CASTOR2: variants seen among roughly 807,000 people sequenced by gnomAD.
CASTOR2 encodes GATS protein like 2.
A neutral mutation model predicts 31.2 loss-of-function variants in CASTOR2; 8 were observed. That is an observed-to-expected ratio of 0.26 (90% confidence interval 0.15 to 0.46). The LOEUF (loss-of-function observed/expected upper bound fraction) is 0.46, where lower values mean the gene tolerates loss of function less well. CASTOR2 is among the 20% of genes least tolerant of loss of function. The probability of loss-of-function intolerance (pLI) is 0.99; values close to 1 mark genes in which losing one functional copy is unlikely to be tolerated. For missense variants in CASTOR2, 216 were observed against 382.1 expected (o/e 0.57, Z 3.62); for synonymous variants, 162 against 158.7 (o/e 1.02, Z -0.16).
chr7:75,027,712 C>A lies in CASTOR2; in HGVS notation c.*3013C>A. ...CTCCGTGGGAGCTGCCCCCTGGGGA[C>A]CCTGCTCCTCGGTCACAGGGGGCCC... On this transcript the variant is annotated 3_prime_UTR_variant, in exon 9 of 9. Coordinates refer to ENST00000616305, the MANE Select transcript of CASTOR2 (RefSeq NM_001145064.3). The A allele has an allele frequency of 2.5e-6, 1 of 392,168 alleles. No homozygotes were observed. The allele number at this position is 392,168 out of a possible 1,614,324, so 24.3% of individuals were successfully genotyped here.
Position 75,028,012 on chromosome 7 carries a change from C to A in CASTOR2, c.*3313C>A. Reference sequence around the variant, plus strand: ...TGCATGGAACTCCTTACCTGTTTGCCGTCCATCCCCCGGAGGTAATCAGAG... The same window carrying A: ...TGCATGGAACTCCTTACCTGTTTGCAGTCCATCCCCCGGAGGTAATCAGAG... On this transcript the variant is annotated 3_prime_UTR_variant, in exon 9 of 9. Coordinates refer to ENST00000616305, the MANE Select transcript of CASTOR2 (RefSeq NM_001145064.3). The A allele has an allele frequency of 6.5e-7, 1 of 1,534,664 alleles. No individual in the cohort carries two copies. The highest frequency in any genetic ancestry group is 8.7e-7 in the Non-Finnish European group (1 of 1,146,548).
intron 1 of CASTOR2, among the ~76,000 whole-genome samples, chr7:74,975,973 C>A (rs1251860439): frequency 6.7e-6 from 1 of 150,106 alleles, no homozygotes; most frequent in African/African-American, 2.4e-5. Flanking sequence ...CAGAGCGGGG[C>A]TTTGAAAACA....
intron 2 of CASTOR2, among the ~76,000 whole-genome samples, chr7:75,012,886 G>A (rs1369913478): frequency 3.3e-5 from 5 of 151,894 alleles, no homozygotes; most frequent in African/African-American, 7.3e-5. Flanking sequence ...TGATCCACCC[G>A]CCTCAGCCTT....
chr7:74,999,598 C>CT (rs1804443987), intron 1 of CASTOR2, among the ~76,000 whole-genome samples: 1 of 107,500 alleles, frequency 9.3e-6, no homozygotes, highest in African/African-American at 4.1e-5. Context: ...CTATCACTCA[C>CT]TGCTTTTTTT....
intron 8 of CASTOR2, 39 bp from the exon 9 acceptor site, chr7:75,024,595 G>C (rs2131959497): frequency 1.3e-6 from 2 of 1,550,990 alleles, no homozygotes; most frequent in East Asian, 4.9e-5. Context: ...AGGTTCCTGG[G>C]CTCACGGGCA....
chr7:74,991,358 A>G (rs1403670482), intron 1 of CASTOR2, among the ~76,000 whole-genome samples: 3 of 152,184 alleles, frequency 2.0e-5, no homozygotes, highest in Admixed American at 6.5e-5. Flanking sequence ...GAGTGGGCCA[A>G]GGTTCCATAG....
rs1318985953 is a variant in CASTOR2, at chr7:74,983,007, T to G, written c.113+17909T>G. Among the ~76,000 whole-genome samples the G allele has an allele frequency of 9.5e-4, 55 of 57,618 alleles. 4 individuals carry two copies. The highest frequency in any genetic ancestry group is 1.5e-3 in the Non-Finnish European group (44 of 28,402). 37.8% of individuals were successfully genotyped at this position (57,618 alleles called of 152,430 possible). On this transcript the variant is annotated intron_variant, in intron 1 of 8. Transcript: ENST00000616305. ...TTGCAGGCAGTAAAACGCATTTTTT[T>G]TTTTTTTTTTTTTTGGTGGCGGGGA...
intron 1 of CASTOR2, among the ~76,000 whole-genome samples, chr7:74,976,001 C>T (rs1803800210): frequency 6.7e-6 from 1 of 149,130 alleles, no homozygotes; most frequent in South Asian, 2.1e-4. Flanking sequence ...CCGCCCCAGG[C>T]AAGCCTTCCA....
At chr7:74,975,270 T>C (rs2523312) in intron 1 of CASTOR2, among the ~76,000 whole-genome samples, 421 of 150,102 alleles carry the variant, frequency 2.8e-3, no homozygotes, top group African/African-American at 8.8e-3. Context: ...CCTGGCCAAC[T>C]GTGGTAGTTT....
intron 2 of CASTOR2, among the ~76,000 whole-genome samples, chr7:75,014,371 C>T (rs1405912978): frequency 5.6e-5 from 8 of 141,852 alleles, no homozygotes; most frequent in Admixed American, 7.5e-5. Context: ...GTAAGGAGTT[C>T]GAGACCAGCC....
At chr7:74,982,482 C>T (rs1803969256) in intron 1 of CASTOR2, among the ~76,000 whole-genome samples, 1 of 150,260 alleles carries the variant, frequency 6.7e-6, no homozygotes, top group Admixed American at 6.6e-5. Flanking sequence ...TCCCTCCACC[C>T]CCTCCCAACT....
intron 1 of CASTOR2, among the ~76,000 whole-genome samples, chr7:74,990,399 AAC>A (rs1804179615): frequency 6.6e-6 from 1 of 151,432 alleles, no homozygotes; most frequent in Non-Finnish European, 1.5e-5. Flanking sequence ...AAAAAACAAA[AAC>A]AAAAAACAAC....
At chr7:74,983,974 G>T (rs1485429042) in intron 1 of CASTOR2, among the ~76,000 whole-genome samples, 1 of 151,048 alleles carries the variant, frequency 6.6e-6, no homozygotes, top group African/African-American at 2.4e-5. Context: ...TAGAGACAGG[G>T]TTTCACTTTG....
At chr7:74,986,074 C>T (rs1364451845) in intron 1 of CASTOR2, among the ~76,000 whole-genome samples, 7 of 152,034 alleles carry the variant, frequency 4.6e-5, no homozygotes, top group African/African-American at 1.7e-4. Flanking sequence ...ACTACAGGCG[C>T]GCACCACCAA....
chr7:75,002,725 C>T (rs1385101082), intron 1 of CASTOR2, among the ~76,000 whole-genome samples: 2 of 151,964 alleles, frequency 1.3e-5, no homozygotes, highest in Non-Finnish European at 2.9e-5. Flanking sequence ...GGAGGGTAGT[C>T]CAGCCTTGAG....
In CASTOR2 at chr7:75,017,879, C is replaced by T. The variant is rs587734342; in HGVS notation, c.378+88C>T. ...ATCTCCCACCCCTTGCAGCCTTGCC[C>T]TTCCACGCTATTCCAGGGTGGGGGC... is the stretch of plus-strand genomic sequence containing the variant. On this transcript the variant is annotated intron_variant, in intron 3 of 8. Coordinates refer to ENST00000616305, the MANE Select transcript of CASTOR2 (RefSeq NM_001145064.3). 3.0e-5 allele frequency: 48 copies of T among 1,613,680 alleles called. No individual in the cohort carries two copies. In the Admixed American group the frequency reaches 7.7e-4, roughly 26 times the overall value.
intron 1 of CASTOR2, among the ~76,000 whole-genome samples, chr7:74,990,569 A>T (rs1159934942): frequency 4.6e-5 from 7 of 150,586 alleles, no homozygotes; most frequent in Non-Finnish European, 8.9e-5. Flanking sequence ...AAAATAAAAA[A>T]TTAGGCTAGG....
At chr7:75,022,988 T>C (rs1805040479) in intron 7 of CASTOR2, among the ~76,000 whole-genome samples, 1 of 152,112 alleles carries the variant, frequency 6.6e-6, no homozygotes, top group Non-Finnish European at 1.5e-5. Context: ...CCCAACACTT[T>C]ACTCCTAAAT....
At chr7:74,999,721 G>A (rs1804449764) in intron 1 of CASTOR2, among the ~76,000 whole-genome samples, 1 of 138,756 alleles carries the variant, frequency 7.2e-6, no homozygotes, top group African/African-American at 2.7e-5. Flanking sequence ...AGATTCAAGT[G>A]ATTCTCTCGC....
Sources: allele counts gnomAD v4.1 joint callset (sites outside exome capture counted in the v4.1 genomes callset), GRCh38; gene constraint gnomAD v4.1.1; transcripts MANE v1.5; gene names NCBI Gene and HGNC (gene_info 2026-07-23, HGNC 2026-07-21).